ADAMTS19: variants seen among roughly 807,000 people sequenced by gnomAD.
ADAMTS19 encodes A disintegrin and metalloproteinase with thrombospondin motifs 19.
Under a neutral mutation model 153.3 loss-of-function variants are expected in ADAMTS19, and 93 were observed. That is an observed-to-expected ratio of 0.61 (90% CI 0.51 to 0.72). ADAMTS19 has a LOEUF of 0.72. Ranked by LOEUF, ADAMTS19 falls within the 30% of genes least tolerant of loss-of-function variation. ADAMTS19 has a pLI of 0.00. For missense variants in ADAMTS19, 1,482 were observed against 1,552.1 expected (o/e 0.95, Z 0.76); for synonymous variants, 600 against 556.6 (o/e 1.08, Z -1.10).
chr5:129,718,378 A>G (rs1756825042), intron 21 of ADAMTS19, among the ~76,000 whole-genome samples: 1 of 152,114 alleles, frequency 6.6e-6, no homozygotes, highest in African/African-American at 2.4e-5. Flanking sequence ...AAACACATAC[A>G]CACACATACA....
chr5:129,556,653 A>T (rs977128927), intron 7 of ADAMTS19, among the ~76,000 whole-genome samples: 1 of 152,194 alleles, frequency 6.6e-6, no homozygotes, highest in East Asian at 1.9e-4. Context: ...AGAGTTCTTA[A>T]AAGTGGGAGA....
chr5:129,694,591 TA>T, intron 18 of ADAMTS19, 128 bp from the exon 19 acceptor site: 1 of 474,320 alleles, frequency 2.1e-6, no homozygotes, highest in Non-Finnish European at 3.1e-6. Flanking sequence ...TAAAATTTAA[TA>T]AAATAAAAAT....
intron 13 of ADAMTS19, among the ~76,000 whole-genome samples, chr5:129,653,838 A>G (rs1753422122): frequency 6.6e-6 from 1 of 152,202 alleles, no homozygotes; most frequent in Non-Finnish European, 1.5e-5. Context: ...CTATATAGAA[A>G]TAAATACTAG....
intron 22 of ADAMTS19, among the ~76,000 whole-genome samples, chr5:129,736,130 A>T (rs1757654129): frequency 1.3e-5 from 2 of 152,052 alleles, no homozygotes; most frequent in Non-Finnish European, 2.9e-5. Flanking sequence ...AAAGTTAAGC[A>T]ATTCTAGAGC....
intron 19 of ADAMTS19, among the ~76,000 whole-genome samples, chr5:129,697,802 C>T (rs564002288): frequency 5.4e-4 from 83 of 152,344 alleles, no homozygotes; most frequent in Middle Eastern, 3.4e-3. Flanking sequence ...TTCTCTATCC[C>T]CTTTAATAGA....
At chr5:129,731,554 G>A (rs1382767161) in intron 21 of ADAMTS19, among the ~76,000 whole-genome samples, 1 of 151,978 alleles carries the variant, frequency 6.6e-6, no homozygotes, top group Admixed American at 6.6e-5. Context: ...ATTAATATGT[G>A]CCATTCATTG....
intron 9 of ADAMTS19, among the ~76,000 whole-genome samples, chr5:129,621,532 A>G (rs577411091): frequency 6.6e-6 from 1 of 152,326 alleles, no homozygotes; most frequent in East Asian, 1.9e-4. Context: ...TGTACAATAT[A>G]TTCTGTGCAT....
At chr5:129,512,854 A>T (rs1403480711) in intron 3 of ADAMTS19, among the ~76,000 whole-genome samples, 1 of 151,948 alleles carries the variant, frequency 6.6e-6, no homozygotes, top group Non-Finnish European at 1.5e-5. Context: ...TTCTATGGGA[A>T]TGTCTTCTTC....
At chr5:129,724,737 T>C (rs1337681089) in intron 21 of ADAMTS19, among the ~76,000 whole-genome samples, 2 of 152,056 alleles carry the variant, frequency 1.3e-5, no homozygotes, top group African/African-American at 4.8e-5. Context: ...GTTTTATAGA[T>C]GAGGTTGAGG....
intron 8 of ADAMTS19, among the ~76,000 whole-genome samples, chr5:129,599,124 A>G (rs952079508): frequency 6.6e-6 from 1 of 152,088 alleles, no homozygotes; most frequent in Non-Finnish European, 1.5e-5. Context: ...TAACATCATC[A>G]TCCTTTAGGG....
intron 6 of ADAMTS19, among the ~76,000 whole-genome samples, chr5:129,550,764 T>A (rs1456263938): frequency 6.6e-6 from 1 of 151,498 alleles, no homozygotes; most frequent in African/African-American, 2.4e-5. Context: ...AGAGAGGAAA[T>A]TTTTTTAAAA....
At chr5:129,653,021 A>G (rs906820865) in intron 13 of ADAMTS19, among the ~76,000 whole-genome samples, 1 of 152,236 alleles carries the variant, frequency 6.6e-6, no homozygotes, top group East Asian at 1.9e-4. Flanking sequence ...CAACTCCCCA[A>G]AATTGTTGAG....
intron 17 of ADAMTS19, among the ~76,000 whole-genome samples, 171 bp downstream of exon 17, chr5:129,680,092 T>A (rs1267703655): frequency 6.6e-6 from 1 of 152,212 alleles, no homozygotes; most frequent in Non-Finnish European, 1.5e-5. Flanking sequence ...AATCATGTTG[T>A]CTAAAAACAG....
chr5:129,461,896 T>G lies in ADAMTS19; in HGVS notation c.747+139T>G. Reference sequence around the variant, plus strand: ...TGGCCCTAGACTGCACCCCCAGGTGTCTACATCGTTTGCCTCCCATGGAAC... The same window carrying G: ...TGGCCCTAGACTGCACCCCCAGGTGGCTACATCGTTTGCCTCCCATGGAAC... On this transcript the variant is annotated intron_variant, in intron 2 of 22. Coordinates refer to ENST00000274487, the MANE Select transcript of ADAMTS19 (RefSeq NM_133638.6). The surrounding 1 kb of genome is among the most constrained non-coding windows in gnomAD (Gnocchi z 4.6). The G allele has an allele frequency of 6.3e-6, 8 of 1,264,116 alleles. No individual in the cohort carries two copies. The highest frequency in any genetic ancestry group is 8.2e-6 in the Non-Finnish European group (8 of 980,398). The allele number at this position is 1,264,116 out of a possible 1,614,324, so 78.3% of individuals were successfully genotyped here. A position where few individuals can be genotyped will look rare whatever the true frequency, so the allele number is the denominator to read the frequency against.
At chr5:129,666,943 A>G (rs1202811276) in intron 16 of ADAMTS19, among the ~76,000 whole-genome samples, 1 of 152,236 alleles carries the variant, frequency 6.6e-6, no homozygotes, top group Admixed American at 6.6e-5. Context: ...TATGGGTTTT[A>G]GTAACCTGAC....
chr5:129,528,103 A>G (rs1044357319), intron 5 of ADAMTS19, among the ~76,000 whole-genome samples: 1 of 151,946 alleles, frequency 6.6e-6, no homozygotes, highest in Non-Finnish European at 1.5e-5. Context: ...GTTTTATTCT[A>G]TTATTTAGAT....
chr5:129,537,640 G>C (rs13162246), intron 6 of ADAMTS19, among the ~76,000 whole-genome samples: 1 of 152,070 alleles, frequency 6.6e-6, no homozygotes, highest in Non-Finnish European at 1.5e-5. Flanking sequence ...CATGGATGAA[G>C]CTGGAAACCA....
chr5:129,553,563 A>G (rs1753209631), intron 7 of ADAMTS19, among the ~76,000 whole-genome samples: 2 of 152,102 alleles, frequency 1.3e-5, no homozygotes, highest in South Asian at 2.1e-4. Context: ...TCAGTTTTAA[A>G]TATTACAGCA....
rs145100505 is a variant in ADAMTS19 at position 129,606,815 on chromosome 5, CAA to C, written c.1478+10152_1478+10153del. Among the ~76,000 whole-genome samples, 569 of 152,278 alleles carry C rather than the reference CAA, an allele frequency of 3.7e-3. 8 individuals are homozygous for C. Among genetic ancestry groups the C allele is most frequent in the Non-Finnish European group, 3.2e-3 (217 of 68,020 alleles). The stretch of plus-strand genomic sequence containing the variant: ...CAGCACTAATGATTTATACCTATCC[CAA>C]TTGTACTTACCTGTTAATGGCCACA... On this transcript the variant is annotated intron_variant, in intron 8 of 22. Transcript: ENST00000274487.
Sources: allele counts gnomAD v4.1 joint callset (sites outside exome capture counted in the v4.1 genomes callset), GRCh38; gene constraint gnomAD v4.1.1; non-coding constraint Gnocchi (gnomAD v3.1); transcripts MANE v1.5; gene names NCBI Gene and HGNC (gene_info 2026-07-23, HGNC 2026-07-21).